Variants in ACBD6 observed in about 807,000 individuals in gnomAD.
ACBD6 encodes the protein acyl-CoA binding domain containing 6.
Under a neutral mutation model 37.2 loss-of-function variants are expected in ACBD6, and 28 were observed. The ratio of observed to expected loss-of-function variants is 0.75; its 90% CI spans 0.56 to 1.03. The LOEUF (loss-of-function observed/expected upper bound fraction) is 1.03. ACBD6 is among the 50% of genes least tolerant of loss of function. ACBD6 has a pLI of 0.00. For synonymous variants in ACBD6, 113 were observed against 126.8 expected (o/e 0.89, Z 0.73); for missense variants, 340 against 337.4 (o/e 1.01, Z -0.06).
At chr1:180,355,369 A>C (rs1167480385) in intron 6 of ACBD6, among the ~76,000 whole-genome samples, 1 of 152,156 alleles carries the variant, frequency 6.6e-6, no homozygotes, top group Non-Finnish European at 1.5e-5. Context: ...TTCTAATCTT[A>C]AGATTCATTC....
In ACBD6 at chr1:180,271,812, T is replaced by G. The variant is rs1296079146; in HGVS notation, c.*1413A>C. On this transcript the variant is annotated 3_prime_UTR_variant, in exon 14 of 14. Transcript: ENST00000642319. ...GTTTGTGGTGGACGCCCCCTGAGTA[T>G]GTCCCTTGTGCTTGTGTGGCAGGTT... 5.0e-6 allele frequency: 8 copies of G among 1,613,538 alleles called. No homozygotes were observed. In the African/African-American group the frequency reaches 1.1e-4, roughly 22 times the overall value.
chr1:180,459,967 CTTTTTTTTTTTT>C (rs67323272), intron 3 of ACBD6, among the ~76,000 whole-genome samples: 1 of 107,980 alleles, frequency 9.3e-6, no homozygotes, highest in African/African-American at 3.2e-5. Context: ...CAGACTGCTT[CTTTTTTTTTTTT>C]TTTTTTTTTT....
chr1:180,411,986 A>T (rs573924508), intron 5 of ACBD6, among the ~76,000 whole-genome samples: 15 of 151,988 alleles, frequency 9.9e-5, no homozygotes, highest in Non-Finnish European at 1.9e-4. Context: ...CACAACTTTT[A>T]TGTGCACTGG....
At chr1:180,423,973 A>C (rs1648479173) in intron 4 of ACBD6, among the ~76,000 whole-genome samples, 1 of 152,208 alleles carries the variant, frequency 6.6e-6, no homozygotes, top group South Asian at 2.1e-4. Context: ...GAAAGACCAA[A>C]GTCTCCAATT....
At chr1:180,479,499 TA>T (rs972029277) in intron 3 of ACBD6, among the ~76,000 whole-genome samples, 30 of 151,564 alleles carry the variant, frequency 2.0e-4, no homozygotes, top group African/African-American at 7.0e-4. Context: ...GAGGGGCAAG[TA>T]GGGGGAAGAG....
intron 9 of ACBD6, chr1:180,278,818 G>A (rs151152109): frequency 6.7e-6 from 1 of 150,286 alleles, no homozygotes; most frequent in East Asian, 1.9e-4. Context: ...CTCGTTTCCT[G>A]GGGAAAAAAA....
intron 6 of ACBD6, among the ~76,000 whole-genome samples, chr1:180,334,540 A>AT (rs1651625525): frequency 6.6e-6 from 1 of 152,226 alleles, no homozygotes; most frequent in South Asian, 2.1e-4. Context: ...TCAAAGGTAG[A>AT]TAAAACCACA....
At chr1:180,501,279 A>T (rs1013847946) in intron 1 of ACBD6, among the ~76,000 whole-genome samples, 12 of 152,246 alleles carry the variant, frequency 7.9e-5, no homozygotes, top group African/African-American at 2.7e-4. Context: ...TAAATCAAAG[A>T]TATTTAGGAT....
At chr1:180,491,002 C>A (rs933454613) in intron 3 of ACBD6, among the ~76,000 whole-genome samples, 14 of 147,032 alleles carry the variant, frequency 9.5e-5, no homozygotes, top group Non-Finnish European at 1.5e-4. Flanking sequence ...TCAATGACTT[C>A]TAAAAGGCAG....
intron 3 of ACBD6, among the ~76,000 whole-genome samples, chr1:180,437,917 TATG>T (rs1488256712): frequency 1.3e-5 from 2 of 152,156 alleles, no homozygotes; most frequent in Non-Finnish European, 2.9e-5. Context: ...GCAAAGGCCC[TATG>T]ATGAGGGTAT....
intron 6 of ACBD6, among the ~76,000 whole-genome samples, chr1:180,324,947 T>C (rs979524350): frequency 1.3e-5 from 2 of 152,144 alleles, no homozygotes; most frequent in Non-Finnish European, 2.9e-5. Flanking sequence ...CCTGTTTAGG[T>C]TTCCACTGAA....
At chr1:180,470,209 T>G (rs184988768) in intron 3 of ACBD6, among the ~76,000 whole-genome samples, 12 of 152,172 alleles carry the variant, frequency 7.9e-5, no homozygotes, top group Middle Eastern at 6.8e-3. Flanking sequence ...AAGCATAGGA[T>G]CATAAATTTC....
chr1:180,433,189 C>T (rs997578250), intron 3 of ACBD6, among the ~76,000 whole-genome samples: 8 of 152,068 alleles, frequency 5.3e-5, no homozygotes, highest in African/African-American at 1.7e-4. Context: ...AAGGATTATA[C>T]ATCATGATCA....
intron 5 of ACBD6, among the ~76,000 whole-genome samples, chr1:180,401,386 T>A (rs10913983): frequency 1.3e-5 from 2 of 152,014 alleles, no homozygotes; most frequent in Non-Finnish European, 2.9e-5. Context: ...CACATCTTAA[T>A]ATATGAAATG....
At position 180,362,328 on chromosome 1, in the gene ACBD6, A is replaced by C. The variant is rs575757257; in HGVS notation, c.663+35188T>G. Among the ~76,000 whole-genome samples the C allele has an allele frequency of 3.9e-5, 6 of 152,302 alleles. No homozygotes were observed. In the South Asian group the frequency reaches 1.2e-3, roughly 32 times the overall value. ...AACAATGACATAGTTCTACAGGGAA[A>C]TCCTCAGGCTGCTAGTGCCACTTTA... is the stretch of plus-strand genomic sequence containing the variant. On this transcript the variant is annotated intron_variant, in intron 6 of 7. Transcript: ENST00000367595.
chr1:180,334,960 A>G (rs1417572023), intron 6 of ACBD6, among the ~76,000 whole-genome samples: 1 of 152,122 alleles, frequency 6.6e-6, no homozygotes, highest in African/African-American at 2.4e-5. Flanking sequence ...AAGTTTAGAG[A>G]AAAAAGAATA....
chr1:180,367,641 A>G (rs1312294144), intron 6 of ACBD6, among the ~76,000 whole-genome samples: 2 of 152,060 alleles, frequency 1.3e-5, no homozygotes, highest in African/African-American at 2.4e-5. Flanking sequence ...AACGTGCAGT[A>G]TTTGGTTTTC....
intron 7 of ACBD6, among the ~76,000 whole-genome samples, chr1:180,294,061 A>G (rs1484589925): frequency 6.6e-6 from 1 of 151,762 alleles, no homozygotes; most frequent in East Asian, 2.0e-4. Context: ...CATCTGGCTA[A>G]TTTTTGTGTA....
At chr1:180,439,408 C>A (rs1237167974) in intron 3 of ACBD6, among the ~76,000 whole-genome samples, 3 of 152,050 alleles carry the variant, frequency 2.0e-5, no homozygotes, top group African/African-American at 7.2e-5. Flanking sequence ...CATGGTGAAA[C>A]CCCGTCTCTA....
Sources: allele counts gnomAD v4.1 joint callset (sites outside exome capture counted in the v4.1 genomes callset), GRCh38; gene constraint gnomAD v4.1.1; transcripts MANE v1.5; gene names NCBI Gene and HGNC (gene_info 2026-07-23, HGNC 2026-07-21).